ANXA4: variants seen among roughly 807,000 people sequenced by gnomAD.
ANXA4 encodes the protein 35-beta calcimedin.
Under a neutral mutation model 49.8 loss-of-function variants are expected in ANXA4, and 39 were observed. That is an observed-to-expected ratio of 0.78 (90% CI 0.61 to 1.02). The LOEUF (loss-of-function observed/expected upper bound fraction) is 1.02, where lower values mean the gene tolerates loss of function less well. Ranked by LOEUF, ANXA4 falls within the 50% of genes least tolerant of loss-of-function variation. The probability of loss-of-function intolerance (pLI) is 0.00; values close to 1 mark genes in which losing one functional copy is unlikely to be tolerated. For missense variants in ANXA4, 360 were observed against 410.1 expected (o/e 0.88, Z 1.05); for synonymous variants, 134 against 152.5 (o/e 0.88, Z 0.89).
intron 1 of ANXA4, among the ~76,000 whole-genome samples, chr2:69,747,115 C>T (rs576433727): frequency 9.0e-4 from 137 of 152,202 alleles, no homozygotes; most frequent in African/African-American, 3.1e-3. Context: ...GCAGGAAGCC[C>T]CCCCATGTCC....
chr2:69,813,912 A>G (rs1673827635), intron 8 of ANXA4, among the ~76,000 whole-genome samples: 1 of 151,396 alleles, frequency 6.6e-6, no homozygotes. Flanking sequence ...ATGCACCACC[A>G]CCACCCGGCT....
intron 2 of ANXA4, among the ~76,000 whole-genome samples, chr2:69,659,769 T>C (rs976390449): frequency 2.0e-5 from 3 of 152,174 alleles, no homozygotes; most frequent in African/African-American, 7.2e-5. Context: ...GCTTTCGTGC[T>C]TGCAAGAAAG....
chr2:69,699,657 A>G (rs1253174890), intron 2 of ANXA4, among the ~76,000 whole-genome samples: 1 of 152,146 alleles, frequency 6.6e-6, no homozygotes, highest in Admixed American at 6.6e-5. Context: ...ACAAAACAAA[A>G]AACAAGAAAC....
intron 2 of ANXA4, among the ~76,000 whole-genome samples, chr2:69,675,646 T>TG (rs1461519242): frequency 6.6e-6 from 1 of 152,138 alleles, no homozygotes; most frequent in Non-Finnish European, 1.5e-5. Context: ...TTCCAGGGGC[T>TG]GCGGGGAGGG....
At chr2:69,772,366 T>A (rs2136440) in intron 1 of ANXA4, among the ~76,000 whole-genome samples, 7,403 of 152,262 alleles carry the variant, frequency 0.049, 599 homozygotes, top group African/African-American at 0.17. Flanking sequence ...TAGCAAAGAA[T>A]GTCGGGCAGA....
Position 69,670,284 on chromosome 2 carries a change from A to G in ANXA4, n.766+17002A>G, listed in dbSNP as rs535789861. Among the ~76,000 whole-genome samples the G allele has an allele frequency of 5.3e-5, 8 of 152,086 alleles. No individual in the cohort carries two copies. The East Asian group carries it at 1.4e-3, about 26-fold the overall frequency. On this transcript the variant is annotated intron_variant and non_coding_transcript_variant, in intron 2 of 3. Transcript: ENST00000418066. ...GTGAAACCCCATCTCTACTAAAAAC[A>G]CATAAATTAGCTGGGTGTAGTGGCA...
chr2:69,774,579 G>A (rs1327308294), intron 1 of ANXA4, among the ~76,000 whole-genome samples: 3 of 151,540 alleles, frequency 2.0e-5, no homozygotes, highest in Non-Finnish European at 4.4e-5. Context: ...ACCTCAGGTA[G>A]TCCACCCACC....
At chr2:69,790,377 C>T (rs1013274720) in intron 3 of ANXA4, among the ~76,000 whole-genome samples, 5 of 151,896 alleles carry the variant, frequency 3.3e-5, no homozygotes, top group Non-Finnish European at 2.9e-5. Context: ...AAGGGTCCCT[C>T]GTAGGAGGGC....
chr2:69,771,533 A>G (rs1229702533), intron 1 of ANXA4, among the ~76,000 whole-genome samples: 6 of 152,204 alleles, frequency 3.9e-5, no homozygotes, highest in African/African-American at 1.2e-4. Context: ...GGAAGTATCT[A>G]CTTTGCCCGC....
intron 1 of ANXA4, among the ~76,000 whole-genome samples, chr2:69,767,222 C>G (rs555389382): frequency 1.3e-5 from 2 of 152,302 alleles, no homozygotes; most frequent in South Asian, 4.1e-4. Context: ...GCTAGAAGAG[C>G]TATTTTTGGC....
intron 1 of ANXA4, among the ~76,000 whole-genome samples, chr2:69,773,926 G>A (rs1319430009): frequency 5.3e-5 from 8 of 151,630 alleles, no homozygotes; most frequent in Admixed American, 2.0e-4. Context: ...CACCGCGCCC[G>A]TCCTCAAGCA....
chr2:69,715,855 A>T (rs957881191), intron 2 of ANXA4, among the ~76,000 whole-genome samples: 2 of 152,154 alleles, frequency 1.3e-5, no homozygotes, highest in African/African-American at 4.8e-5. Flanking sequence ...TCCCTCTTTT[A>T]TCTGGCAGCT....
At chr2:69,657,487 A>G (rs1258817479) in intron 2 of ANXA4, among the ~76,000 whole-genome samples, 2 of 152,152 alleles carry the variant, frequency 1.3e-5, no homozygotes, top group Non-Finnish European at 2.9e-5. Context: ...TCGATGGACT[A>G]TATTCACCAT....
At chr2:69,771,465 G>T (rs1388126094) in intron 1 of ANXA4, among the ~76,000 whole-genome samples, 1 of 152,218 alleles carries the variant, frequency 6.6e-6, no homozygotes, top group Non-Finnish European at 1.5e-5. Flanking sequence ...CCATTAAAAT[G>T]AGTTTGCATA....
chr2:69,697,543 GCTAT>G (rs562587946), intron 2 of ANXA4, among the ~76,000 whole-genome samples: 8 of 152,100 alleles, frequency 5.3e-5, no homozygotes, highest in Non-Finnish European at 1.0e-4. Flanking sequence ...TCACAACTTG[GCTAT>G]CTGTTTGGCA....
At chr2:69,775,164 T>C (rs571291935) in intron 1 of ANXA4, among the ~76,000 whole-genome samples, 1 of 152,342 alleles carries the variant, frequency 6.6e-6, no homozygotes, top group East Asian at 1.9e-4. Context: ...AACTGCCTTC[T>C]TGGTTACCAG....
chr2:69,729,593 C>T (rs940821095), intron 3 of ANXA4, among the ~76,000 whole-genome samples: 16 of 152,106 alleles, frequency 1.1e-4, no homozygotes, highest in African/African-American at 3.9e-4. Context: ...GACAGCCGCC[C>T]CACAACAAAG....
At chr2:69,709,554 C>G (rs1274725473) in intron 2 of ANXA4, among the ~76,000 whole-genome samples, 2 of 152,326 alleles carry the variant, frequency 1.3e-5, no homozygotes, top group South Asian at 4.1e-4. Context: ...ATGATCTTCC[C>G]AAGTCACTGA....
At chr2:69,717,642 C>A (rs1028358310) in intron 2 of ANXA4, among the ~76,000 whole-genome samples, 8 of 152,206 alleles carry the variant, frequency 5.3e-5, no homozygotes, top group Non-Finnish European at 1.2e-4. Flanking sequence ...CTCCACGTAT[C>A]TAACTGGAAA....
Sources: gnomAD v4.1 joint callset for allele counts (sites outside exome capture counted in the v4.1 genomes callset) on GRCh38, gnomAD v4.1.1 for gene constraint, MANE v1.5 for transcripts, NCBI Gene and HGNC (gene_info 2026-07-23, HGNC 2026-07-21) for gene names.